Variants in ITCH observed in about 807,000 individuals in gnomAD.
ITCH encodes E3 ubiquitin-protein ligase Itchy homolog.
A neutral mutation model predicts 126.8 loss-of-function variants in ITCH; 28 were observed. That is an observed-to-expected ratio of 0.22 (90% CI 0.16 to 0.30). The LOEUF is 0.30. ITCH is among the 10% of genes least tolerant of loss of function. The pLI, the probability that ITCH is intolerant of heterozygous loss-of-function variation, is 1.00. For synonymous variants in ITCH, 342 were observed against 340.0 expected (o/e 1.01, Z -0.06); for missense variants, 631 against 1,032.4 (o/e 0.61, Z 5.33).
intron 11 of ITCH, among the ~76,000 whole-genome samples, chr20:34,446,141 A>C (rs1488487365): frequency 3.9e-5 from 6 of 152,210 alleles, no homozygotes; most frequent in Non-Finnish European, 8.8e-5. Flanking sequence ...GTCATACAGT[A>C]TCATTGATCT....
Position 34,457,418 on chromosome 20 carries a change from A to G in ITCH, c.1239A>G (p.Val413=), listed in dbSNP as rs992155948. 3.1e-6 allele frequency: 5 copies of G among 1,613,792 alleles called. No homozygotes were observed. The highest frequency in any genetic ancestry group is 1.3e-5 in the African/African-American group (1 of 74,916). The change falls in exon 13 of 25, where the codon GTA becomes GTG. Residue 413 remains valine, a synonymous_variant. Coordinates refer to ENST00000374864, the MANE Select transcript of ITCH (RefSeq NM_031483.7). ...AGAGAACAGACAGCAATGGCAGAGT[A>G]TATTTCGTCAACCACAACACACGAA... The part of the protein sequence containing the change: ...WEKRTDSNGR[V]YFVNHNTRIT...
At position 34,423,707 on chromosome 20, in the gene ITCH, G is replaced by A. The variant is rs148956601; in HGVS notation, c.476-773G>A. On this transcript the variant is annotated intron_variant, in intron 6 of 24. Coordinates refer to ENST00000374864, the MANE Select transcript of ITCH (RefSeq NM_031483.7). ...AAATTTCTGCCTCCCGGGTTCTAGCGATTCTCCTGCCTCAGCCTCCCAAGT... is the reference window on the plus strand; with the variant it reads ...AAATTTCTGCCTCCCGGGTTCTAGCAATTCTCCTGCCTCAGCCTCCCAAGT... 6.5e-4 allele frequency among the ~76,000 whole-genome samples: 99 copies of A among 152,134 alleles called. 1 individual carries two copies. The highest frequency in any genetic ancestry group is 9.6e-4 in the Non-Finnish European group (65 of 67,982).
chr20:34,468,115 A>G (rs1987263145), intron 14 of ITCH, among the ~76,000 whole-genome samples: 2 of 150,990 alleles, frequency 1.3e-5, no homozygotes, highest in Admixed American at 1.3e-4. Context: ...GCTCACTGCA[A>G]GCTCTGCCTC....
chr20:34,399,284 C>CG (rs1300508142), intron 3 of ITCH, among the ~76,000 whole-genome samples: 5 of 150,430 alleles, frequency 3.3e-5, no homozygotes, highest in Non-Finnish European at 4.4e-5. Flanking sequence ...TCCAGCTACT[C>CG]GGGGGGCTGA....
At chr20:34,424,198 A>C (rs1205951882) in intron 6 of ITCH, among the ~76,000 whole-genome samples, 2 of 151,936 alleles carry the variant, frequency 1.3e-5, no homozygotes, top group African/African-American at 4.8e-5. Flanking sequence ...GACATATTTC[A>C]AAAAAAAGGC....
intron 22 of ITCH, among the ~76,000 whole-genome samples, chr20:34,490,766 A>G (rs1386013488): frequency 6.6e-6 from 1 of 152,228 alleles, no homozygotes; most frequent in Non-Finnish European, 1.5e-5. Flanking sequence ...CACTGTGGAA[A>G]TAGTTTGGTG....
At chr20:34,365,636 C>G (rs560463755) in intron 1 of ITCH, among the ~76,000 whole-genome samples, 1 of 152,142 alleles carries the variant, frequency 6.6e-6, no homozygotes, top group African/African-American at 2.4e-5. Flanking sequence ...AGGCTGCTCT[C>G]GAACTCCTGA....
At position 34,460,179 on chromosome 20, in the gene ITCH, T is replaced by TTTG. The variant is rs11467826; in HGVS notation, c.1296-1890_1296-1888dup. Among the ~76,000 whole-genome samples, 161 of 150,564 alleles carry TTTG rather than the reference T, an allele frequency of 1.1e-3. 1 individual carries two copies. Among genetic ancestry groups the TTTG allele is most frequent in the Non-Finnish European group, 1.7e-3 (113 of 67,658 alleles). ...TTGTATTCAGTTAAGTGAATACAGG[T>TTTG]TTGTTGTTGTTGTTGTTGTTGTTGT... On this transcript the variant is annotated intron_variant, in intron 13 of 24. Transcript: ENST00000374864.
In ITCH at chr20:34,465,414, AAG is replaced by A. The variant is rs1255869401; in HGVS notation, c.1424+3195_1424+3196del. ...GATGGATTTTTTTATTTCTGAAAAA[AAG>A]AAGTCATTTGGATTTTGATAGGGGA... On this transcript the variant is annotated intron_variant, in intron 14 of 24. Coordinates refer to ENST00000374864, the MANE Select transcript of ITCH (RefSeq NM_031483.7). Among the ~76,000 whole-genome samples the A allele has an allele frequency of 7.9e-5, 12 of 152,038 alleles. No individual in the cohort carries two copies. In the East Asian group the frequency reaches 2.3e-3, roughly 29 times the overall value.
chr20:34,399,824 C>T (rs541894116), intron 3 of ITCH, among the ~76,000 whole-genome samples: 4 of 152,120 alleles, frequency 2.6e-5, no homozygotes, highest in South Asian at 2.1e-4. Flanking sequence ...GGCACAGTCA[C>T]GGTTCACTGC....
At chr20:34,449,579 T>C in intron 12 of ITCH, 99 bp downstream of exon 12, 1 of 842,434 alleles carries the variant, frequency 1.2e-6, no homozygotes. Flanking sequence ...GATACTGTGC[T>C]CTTGCTTGAG....
intron 1 of ITCH, among the ~76,000 whole-genome samples, chr20:34,365,629 C>T (rs918197553): frequency 1.3e-5 from 2 of 152,168 alleles, no homozygotes; most frequent in Non-Finnish European, 1.5e-5. Flanking sequence ...ATTGGCTAGG[C>T]TGCTCTCGAA....
At chr20:34,438,820 G>T (rs1325637437) in intron 8 of ITCH, among the ~76,000 whole-genome samples, 189 bp downstream of exon 8, 1 of 152,172 alleles carries the variant, frequency 6.6e-6, no homozygotes, top group Non-Finnish European at 1.5e-5. Flanking sequence ...TCAAGGTGAC[G>T]TTACTGAGGC....
At chr20:34,488,223 G>T in intron 20 of ITCH, among the ~76,000 whole-genome samples, 1 of 144,424 alleles carries the variant, frequency 6.9e-6, no homozygotes. Flanking sequence ...ATTTCACTTA[G>T]TGTGCATCTC....
At chr20:34,365,207 T>TA (rs914748967) in intron 1 of ITCH, among the ~76,000 whole-genome samples, 136 of 146,446 alleles carry the variant, frequency 9.3e-4, no homozygotes, top group African/African-American at 2.5e-3. Flanking sequence ...TCTCAAAAAA[T>TA]AAAAAAAAAA....
chr20:34,489,117 A>T, intron 20 of ITCH, 149 bp from the exon 21 acceptor site: 1 of 561,276 alleles, frequency 1.8e-6, no homozygotes, highest in Non-Finnish European at 3.1e-6. Context: ...CATTGTGATG[A>T]AGCTTGGACA....
rs192713982 is a variant in ITCH at position 34,379,837 on chromosome 20, T to C, written c.-22+10367T>C. ...TGGTCTCAATCTCCTGACCTCGTGA[T>C]CTGCCTGCCTTGGCCTCCCAAAGTG... On this transcript the variant is annotated intron_variant, in intron 2 of 24. Coordinates refer to ENST00000374864, the MANE Select transcript of ITCH (RefSeq NM_031483.7). Among the ~76,000 whole-genome samples the C allele has an allele frequency of 6.6e-5, 10 of 151,234 alleles. No homozygotes were observed. The Admixed American group carries it at 6.6e-4, about 10-fold the overall frequency.
chr20:34,470,029 A>T lies in ITCH; in HGVS notation c.1425-19A>T, dbSNP rs1181515810. 1.2e-5 allele frequency: 19 copies of T among 1,601,778 alleles called. No individual in the cohort carries two copies. The highest frequency in any genetic ancestry group is 1.2e-5 in the Non-Finnish European group (14 of 1,168,710). The stretch of plus-strand genomic sequence containing the variant: ...TACAAGCAGCTATATATGTCCTGTT[A>T]ACCCTTGTTCTTCCTCAGAGACAAT... On this transcript the variant is annotated intron_variant, in intron 14 of 24. Transcript: ENST00000374864.
At chr20:34,427,319 C>T (rs1981670831) in intron 7 of ITCH, among the ~76,000 whole-genome samples, 1 of 152,176 alleles carries the variant, frequency 6.6e-6, no homozygotes, top group Non-Finnish European at 1.5e-5. Context: ...GTCATGGTAG[C>T]TCACACCTGT....
Sources: allele counts gnomAD v4.1 joint callset (sites outside exome capture counted in the v4.1 genomes callset), GRCh38; gene constraint gnomAD v4.1.1; transcripts MANE v1.5; gene names NCBI Gene and HGNC (gene_info 2026-07-23, HGNC 2026-07-21).